EXOC4: variants seen among roughly 807,000 people sequenced by gnomAD.
EXOC4 encodes the protein SEC8-like 1.
In EXOC4, 71 loss-of-function variants were observed where a neutral mutation model predicts 107.2. The ratio of observed to expected loss-of-function variants is 0.66; its 90% CI spans 0.55 to 0.81. The LOEUF (loss-of-function observed/expected upper bound fraction) is 0.81, where lower values mean the gene tolerates loss of function less well. Ranked by LOEUF, EXOC4 falls within the 30% of genes least tolerant of loss-of-function variation. EXOC4 has a pLI of 0.00. For missense variants in EXOC4, 1,108 were observed against 1,189.6 expected (o/e 0.93, Z 1.01); for synonymous variants, 456 against 441.2 (o/e 1.03, Z -0.42).
intron 9 of EXOC4, among the ~76,000 whole-genome samples, chr7:133,541,087 G>A (rs965689895): frequency 1.2e-4 from 18 of 152,022 alleles, no homozygotes; most frequent in African/African-American, 4.3e-4. Context: ...ATACATTTTT[G>A]AGTTATTTGT....
intron 7 of EXOC4, among the ~76,000 whole-genome samples, chr7:133,442,375 T>G (rs1798124458): frequency 6.6e-6 from 1 of 152,180 alleles, no homozygotes; most frequent in African/African-American, 2.4e-5. Context: ...ATTTATTCAT[T>G]TATTAAACAT....
the EXOC4 span, among the ~76,000 whole-genome samples, chr7:134,097,354 G>C: frequency 2.0e-5 from 3 of 151,716 alleles, no homozygotes; most frequent in Admixed American, 6.6e-5. Flanking sequence ...GTAAGCTAAA[G>C]AGTATTCCTG....
chr7:133,728,399 G>A (rs1795259894), intron 10 of EXOC4, among the ~76,000 whole-genome samples: 1 of 152,202 alleles, frequency 6.6e-6, no homozygotes, highest in Admixed American at 6.5e-5. Context: ...AATGTTTACT[G>A]TAGACAGTTT....
chr7:133,537,140 T>C (rs550286537), intron 9 of EXOC4, among the ~76,000 whole-genome samples: 1 of 145,660 alleles, frequency 6.9e-6, no homozygotes, highest in South Asian at 2.2e-4. Context: ...ATTCACACTG[T>C]TTATATATCT....
chr7:133,844,446 G>A (rs1798084468), intron 11 of EXOC4, among the ~76,000 whole-genome samples: 1 of 122,176 alleles, frequency 8.2e-6, no homozygotes, highest in Non-Finnish European at 1.6e-5. Context: ...CTGGAGTACA[G>A]TGGCGCGATC....
At chr7:133,807,085 C>T (rs1797094613) in intron 10 of EXOC4, among the ~76,000 whole-genome samples, 1 of 152,062 alleles carries the variant, frequency 6.6e-6, no homozygotes, top group South Asian at 2.1e-4. Context: ...TATGGTGGGC[C>T]GACTTTTCAT....
rs146637469 is a variant in EXOC4, at chr7:133,640,170, C to T, written c.1514+10029C>T. Reference sequence around the variant, plus strand: ...ACATCGACATAGATCATTTTCAGTACCCTAGAAGACTTGCTTATATTGACA... The same window carrying T: ...ACATCGACATAGATCATTTTCAGTATCCTAGAAGACTTGCTTATATTGACA... On this transcript the variant is annotated intron_variant, in intron 10 of 17. Coordinates refer to ENST00000253861, the MANE Select transcript of EXOC4 (RefSeq NM_021807.4). Among the ~76,000 whole-genome samples the T allele has an allele frequency of 5.9e-5, 9 of 152,180 alleles. No individual in the cohort carries two copies. In the East Asian group the frequency reaches 1.7e-3, roughly 29 times the overall value.
At chr7:133,800,808 T>C (rs1325391019) in intron 10 of EXOC4, among the ~76,000 whole-genome samples, 1 of 152,196 alleles carries the variant, frequency 6.6e-6, no homozygotes, top group African/African-American at 2.4e-5. Flanking sequence ...ATAACGATAC[T>C]ATAAAGTGTC....
intron 7 of EXOC4, among the ~76,000 whole-genome samples, chr7:133,413,929 A>G (rs1797417295): frequency 6.6e-6 from 1 of 152,156 alleles, no homozygotes; most frequent in Non-Finnish European, 1.5e-5. Flanking sequence ...TGTAACAGAG[A>G]AGACACTTGA....
At chr7:133,660,453 C>T (rs946359073) in intron 10 of EXOC4, among the ~76,000 whole-genome samples, 1 of 152,068 alleles carries the variant, frequency 6.6e-6, no homozygotes, top group Non-Finnish European at 1.5e-5. Flanking sequence ...GGTGCCTACC[C>T]CTCTAAGGTA....
chr7:133,811,221 T>G (rs1423790044), intron 10 of EXOC4, among the ~76,000 whole-genome samples: 1 of 152,216 alleles, frequency 6.6e-6, no homozygotes, highest in Non-Finnish European at 1.5e-5. Context: ...CGAGATTAAA[T>G]AATACTCTTT....
At chr7:133,750,933 A>G (rs1055974309) in intron 10 of EXOC4, among the ~76,000 whole-genome samples, 14 of 152,108 alleles carry the variant, frequency 9.2e-5, no homozygotes, top group African/African-American at 3.4e-4. Context: ...GGAGAAGATA[A>G]AGTTTCCTGA....
At position 133,599,967 on chromosome 7, in the gene EXOC4, C is replaced by T. The variant is rs1801770504; in HGVS notation, c.1418-30078C>T. Reference sequence around the variant, plus strand: ...CCAGGCTGGAGTACAGTGGTACAGTCATGGCTCACTGCATCCTAAACCTCC... The same window carrying T: ...CCAGGCTGGAGTACAGTGGTACAGTTATGGCTCACTGCATCCTAAACCTCC... On this transcript the variant is annotated intron_variant, in intron 9 of 17. Coordinates refer to ENST00000253861, the MANE Select transcript of EXOC4 (RefSeq NM_021807.4). 2.3e-5 allele frequency among the ~76,000 whole-genome samples: 3 copies of T among 131,408 alleles called. No individual in the cohort carries two copies. The South Asian group carries it at 7.2e-4, about 32-fold the overall frequency. 86.2% of individuals were successfully genotyped at this position (131,408 alleles called of 152,430 possible). A position where few individuals can be genotyped will look rare whatever the true frequency, so the allele number is the denominator to read the frequency against.
chr7:134,030,723 A>T (rs1194102141), intron 17 of EXOC4, among the ~76,000 whole-genome samples: 1 of 114,836 alleles, frequency 8.7e-6, no homozygotes, highest in Admixed American at 1.3e-4. Flanking sequence ...GCAGTCCTGC[A>T]CACGACTGAT....
intron 9 of EXOC4, among the ~76,000 whole-genome samples, chr7:133,522,245 G>A (rs1181952010): frequency 6.6e-6 from 1 of 152,066 alleles, no homozygotes; most frequent in Non-Finnish European, 1.5e-5. Context: ...TCTCTGAGAT[G>A]CATAATACGT....
chr7:133,395,926 T>A (rs915325697), intron 7 of EXOC4, among the ~76,000 whole-genome samples: 40 of 152,152 alleles, frequency 2.6e-4, no homozygotes, highest in Admixed American at 7.9e-4. Flanking sequence ...ATTTTTTTTT[T>A]AATTTGTTTT....
intron 10 of EXOC4, among the ~76,000 whole-genome samples, chr7:133,666,212 A>G (rs1793809543): frequency 6.6e-6 from 1 of 152,204 alleles, no homozygotes; most frequent in South Asian, 2.1e-4. Context: ...CATTTTCTCC[A>G]TCCTTTAATG....
intron 10 of EXOC4, among the ~76,000 whole-genome samples, chr7:133,711,772 CA>C (rs1294885859): frequency 6.6e-6 from 1 of 152,136 alleles, no homozygotes; most frequent in Non-Finnish European, 1.5e-5. Flanking sequence ...AGAGAGGGTT[CA>C]TTTCATATGG....
intron 10 of EXOC4, among the ~76,000 whole-genome samples, chr7:133,784,529 G>A (rs1273751658): frequency 6.6e-6 from 1 of 152,130 alleles, no homozygotes. Context: ...GGCGTTGCTG[G>A]TGAGCTCCAT....
Sources: gnomAD v4.1 joint callset for allele counts (sites outside exome capture counted in the v4.1 genomes callset) on GRCh38, gnomAD v4.1.1 for gene constraint, MANE v1.5 for transcripts, NCBI Gene and HGNC (gene_info 2026-07-23, HGNC 2026-07-21) for gene names.